The following ITGAV variants were observed in gnomAD, a reference collection of about 807,000 sequenced individuals.
ITGAV encodes integrin subunit alpha V, also known as integrin alpha-V.
In ITGAV, 76 loss-of-function variants were observed where a neutral mutation model predicts 143.8. The observed-to-expected ratio is 0.53, with a 90% confidence interval of 0.44 to 0.64. The LOEUF (loss-of-function observed/expected upper bound fraction) is 0.64. ITGAV is among the 30% of genes least tolerant of loss of function. The pLI, the probability that ITGAV is intolerant of heterozygous loss-of-function variation, is 0.00. For missense variants in ITGAV, 1,193 were observed against 1,274.7 expected (o/e 0.94, Z 0.98); for synonymous variants, 453 against 446.7 (o/e 1.01, Z -0.18).
At chr2:186,637,190 C>A in intron 8 of ITGAV, 81 bp downstream of exon 8, 1 of 1,192,020 alleles carries the variant, frequency 8.4e-7, no homozygotes, top group Non-Finnish European at 1.2e-6. Flanking sequence ...AAATTTTAAG[C>A]AGTTTGAGTG....
chr2:186,606,920 A>G (rs1687083685), intron 2 of ITGAV, among the ~76,000 whole-genome samples: 1 of 151,518 alleles, frequency 6.6e-6, no homozygotes, highest in African/African-American at 2.4e-5. Context: ...TTTACAATTC[A>G]CCCCATTGGC....
At chr2:186,609,788 C>T (rs1687164524) in intron 2 of ITGAV, among the ~76,000 whole-genome samples, 1 of 79,598 alleles carries the variant, frequency 1.3e-5, no homozygotes, top group Non-Finnish European at 3.0e-5. Context: ...ATTCCATGTG[C>T]CCTACATATA....
intron 18 of ITGAV, among the ~76,000 whole-genome samples, chr2:186,662,360 G>C (rs921142594): frequency 2.0e-5 from 3 of 152,050 alleles, no homozygotes; most frequent in Non-Finnish European, 4.4e-5. Context: ...ATATTTTTGT[G>C]TTTCCTTCAA....
At chr2:186,602,293 G>T (rs1343331260) in intron 2 of ITGAV, 142 bp downstream of exon 2, 1 of 591,216 alleles carries the variant, frequency 1.7e-6, no homozygotes, top group African/African-American at 1.9e-5. Flanking sequence ...AAAGACAAAC[G>T]ATTTATTATA....
rs562993280 is a variant in ITGAV, at chr2:186,667,519, T to G, written c.2328-152T>G. The G allele has an allele frequency of 7.6e-6, 4 of 524,238 alleles. No homozygotes were observed. In the East Asian group the frequency reaches 1.2e-4, roughly 15 times the overall value. The allele number at this position is 524,238 out of a possible 1,614,324, so 32.5% of individuals were successfully genotyped here. On this transcript the variant is annotated intron_variant, in intron 23 of 29. Transcript: ENST00000261023. ...GTACATTTCATAAGAGCAGTTTTTG[T>G]GCATGTGTGTGTTCATTAGTTTTCT...
At chr2:186,597,711 G>A (rs1686783527) in intron 1 of ITGAV, among the ~76,000 whole-genome samples, 1 of 152,220 alleles carries the variant, frequency 6.6e-6, no homozygotes, top group East Asian at 1.9e-4. Context: ...CAGCAGGAGA[G>A]TGAGCATTAC....
At chr2:186,640,338 A>T (rs1392740762) in intron 10 of ITGAV, among the ~76,000 whole-genome samples, 1 of 152,244 alleles carries the variant, frequency 6.6e-6, no homozygotes, top group Admixed American at 6.5e-5. Context: ...AAGCAAAATC[A>T]TGTGGCAAGT....
At chr2:186,607,666 AAC>A (rs1431960526) in intron 2 of ITGAV, among the ~76,000 whole-genome samples, 3 of 152,206 alleles carry the variant, frequency 2.0e-5, no homozygotes, top group Non-Finnish European at 2.9e-5. Context: ...TAAACTGAAT[AAC>A]ACATATAGGG....
chr2:186,668,491 G>A (rs923659450), intron 24 of ITGAV: 28 of 320,914 alleles, frequency 8.7e-5, no homozygotes, highest in Non-Finnish European at 1.4e-4. Context: ...CGCCCGCCTC[G>A]GCCTCCCAAA....
intron 2 of ITGAV, among the ~76,000 whole-genome samples, chr2:186,605,136 C>T (rs865916964): frequency 3.3e-5 from 5 of 152,138 alleles, no homozygotes; most frequent in Non-Finnish European, 5.9e-5. Context: ...CTGAAGGCAG[C>T]GATTACCAGA....
chr2:186,659,083 A>G lies in ITGAV; in HGVS notation c.1765A>G (p.Met589Val), dbSNP rs759172269. The change falls in exon 18 of 30, where the codon ATG becomes GTG. Residue 589 changes from methionine (M) to valine (V), a missense_variant. Transcript: ENST00000261023. Reference protein sequence around the residue: ...RDKLTPITIFMEYRLDYRTAA... With the variant: ...RDKLTPITIFVEYRLDYRTAA... ...CAAACTCACTCCAATTACTATTTTT[A>G]TGGAATATCGGTTGGATTATAGAAC... The G allele has an allele frequency of 3.1e-6, 5 of 1,610,738 alleles. No individual in the cohort carries two copies. The highest frequency in any genetic ancestry group is 1.1e-5 in the South Asian group (1 of 90,918).
At chr2:186,595,108 T>C (rs1356084827) in intron 1 of ITGAV, among the ~76,000 whole-genome samples, 2 of 152,226 alleles carry the variant, frequency 1.3e-5, no homozygotes, top group Non-Finnish European at 2.9e-5. Context: ...AAACTGGAAT[T>C]GTAGCTTTGA....
At chr2:186,658,959 C>A in intron 17 of ITGAV, 79 bp from the exon 18 acceptor site, 1 of 1,052,832 alleles carries the variant, frequency 9.5e-7, no homozygotes, top group South Asian at 1.7e-5. Context: ...ATACAGCTGG[C>A]TTTGTAATGT....
At position 186,676,840 on chromosome 2, in the gene ITGAV, C is replaced by A. The variant is rs1191814113; in HGVS notation, c.2956C>A (p.Gln986Lys). ...LVTTNVTWGI[Q>K]PAPMPVPVWV... ...TACCACTAATGTCACCTGGGGCATT[C>A]AGCCAGCGCCCATGCCTGTGCCTGT... Residue 986 changes from glutamine (Q) to lysine (K), a missense_variant, in exon 29 of 30, where the codon CAG becomes AAG. Gln to Lys is a moderately conservative substitution (Grantham distance 53). Coordinates refer to ENST00000261023, the MANE Select transcript of ITGAV (RefSeq NM_002210.5). 6.2e-7 allele frequency: 1 copy of A among 1,613,948 alleles called. No individual in the cohort carries two copies. Among genetic ancestry groups the A allele is most frequent in the Admixed American group, 1.7e-5 (1 of 60,006 alleles).
At chr2:186,675,522 AAG>A in intron 26 of ITGAV, 80 bp from the exon 27 acceptor site, 1 of 988,644 alleles carries the variant, frequency 1.0e-6, no homozygotes, top group Non-Finnish European at 1.6e-6. Context: ...ATCACACAAA[AAG>A]AAAAAAAATG....
rs539341101 is a variant in ITGAV, at chr2:186,662,734, T to A, written c.1858-1034T>A. Among the ~76,000 whole-genome samples, 15 of 152,350 alleles carry A rather than the reference T, an allele frequency of 9.8e-5. No individual in the cohort carries two copies. The East Asian group carries it at 2.9e-3, about 29-fold the overall frequency. ...TGCAAAATATTCCACTGATAATTTTTAAGTGATTCCATGTAAAAATGACAA... is the reference window on the plus strand; with the variant it reads ...TGCAAAATATTCCACTGATAATTTTAAAGTGATTCCATGTAAAAATGACAA... On this transcript the variant is annotated intron_variant, in intron 18 of 29. Coordinates refer to ENST00000261023, the MANE Select transcript of ITGAV (RefSeq NM_002210.5).
At chr2:186,644,905 G>A (rs1184532115) in intron 12 of ITGAV, among the ~76,000 whole-genome samples, 1 of 152,136 alleles carries the variant, frequency 6.6e-6, no homozygotes, top group Admixed American at 6.5e-5. Flanking sequence ...GAGTGATCAA[G>A]GCATCGTTGA....
intron 18 of ITGAV, among the ~76,000 whole-genome samples, chr2:186,663,260 G>T (rs938816589): frequency 6.6e-6 from 1 of 151,904 alleles, no homozygotes; most frequent in African/African-American, 2.4e-5. Context: ...TTTGCCCCTT[G>T]GTCTCTCTGC....
intron 2 of ITGAV, among the ~76,000 whole-genome samples, chr2:186,619,111 T>A (rs750957547): frequency 4.1e-5 from 6 of 147,236 alleles, no homozygotes; most frequent in South Asian, 4.2e-4. Flanking sequence ...ATAGTATATT[T>A]TATATATATA....
Sources: gnomAD v4.1 joint callset for allele counts (sites outside exome capture counted in the v4.1 genomes callset) on GRCh38, gnomAD v4.1.1 for gene constraint, MANE v1.5 for transcripts, NCBI Gene and HGNC (gene_info 2026-07-23, HGNC 2026-07-21) for gene names.